The following CCDC148 variants were observed in gnomAD, a reference collection of about 807,000 sequenced individuals.
CCDC148 encodes the protein coiled-coil domain-containing protein 148.
In CCDC148, 89 loss-of-function variants were observed where a neutral mutation model predicts 85.7. The ratio of observed to expected loss-of-function variants is 1.04; its 90% CI spans 0.87 to 1.24. The LOEUF (loss-of-function observed/expected upper bound fraction) is 1.24. Ranked by LOEUF, CCDC148 falls within the 50% of genes most tolerant of loss-of-function variation. The probability of loss-of-function intolerance (pLI) is 0.00; values close to 1 mark genes in which losing one functional copy is unlikely to be tolerated. For missense variants in CCDC148, 692 were observed against 671.7 expected (o/e 1.03, Z -0.33); for synonymous variants, 230 against 213.9 (o/e 1.08, Z -0.66).
chr2:158,282,672 A>G (rs1293602331), intron 9 of CCDC148, among the ~76,000 whole-genome samples: 1 of 152,264 alleles, frequency 6.6e-6, no homozygotes, highest in Non-Finnish European at 1.5e-5. Context: ...ATGGGTAGGA[A>G]GAATCAATAT....
intron 1 of CCDC148, among the ~76,000 whole-genome samples, chr2:158,443,515 A>AG (rs1553524475): frequency 3.0e-5 from 3 of 100,896 alleles, no homozygotes; most frequent in Admixed American, 1.2e-4. Flanking sequence ...AAAAAAAAAA[A>AG]AAAAAAAAGA....
chr2:158,396,818 T>C (rs961922293), intron 1 of CCDC148, among the ~76,000 whole-genome samples: 16 of 152,090 alleles, frequency 1.1e-4, no homozygotes, highest in African/African-American at 3.9e-4. Flanking sequence ...ATTATTATTA[T>C]TGCTGCTGCT....
chr2:158,260,311 TC>T lies in CCDC148; in HGVS notation c.1111-9400del, dbSNP rs548601205. Among the ~76,000 whole-genome samples the T allele has an allele frequency of 8.9e-4, 135 of 152,008 alleles. 1 individual carries two copies. Among genetic ancestry groups the T allele is most frequent in the Non-Finnish European group, 1.4e-3 (97 of 67,922 alleles). On this transcript the variant is annotated intron_variant, in intron 9 of 13. Transcript: ENST00000283233. ...AAAAGGCTTTCAATAAAATTCAACA[TC>T]CCTTCAGGTTAAACACTCTCAATAA...
intron 7 of CCDC148, among the ~76,000 whole-genome samples, chr2:158,325,659 C>A (rs1192284561): frequency 1.3e-5 from 2 of 152,170 alleles, no homozygotes; most frequent in Admixed American, 1.3e-4. Flanking sequence ...GGCATCTCAA[C>A]CTCATCGTGT....
chr2:158,228,195 A>G (rs561063687), intron 10 of CCDC148, among the ~76,000 whole-genome samples: 3 of 152,340 alleles, frequency 2.0e-5, no homozygotes, highest in Admixed American at 2.0e-4. Context: ...CAGCCAAAAG[A>G]CACAGGAAAA....
At chr2:158,283,740 T>A (rs529253722) in intron 9 of CCDC148, among the ~76,000 whole-genome samples, 1 of 151,818 alleles carries the variant, frequency 6.6e-6, no homozygotes, top group South Asian at 2.1e-4. Flanking sequence ...GATCTAGAAC[T>A]AGAAATACCA....
chr2:158,197,395 A>G (rs578116046), intron 11 of CCDC148, among the ~76,000 whole-genome samples: 3 of 152,292 alleles, frequency 2.0e-5, no homozygotes, highest in African/African-American at 7.2e-5. Context: ...CCCCACAAAC[A>G]GATATGGACT....
intron 1 of CCDC148, chr2:158,365,865 T>C (rs1684178168): frequency 1.7e-6 from 1 of 582,944 alleles, no homozygotes; most frequent in Non-Finnish European, 3.0e-6. Context: ...ACAAACCCAT[T>C]GTAAAGAACT....
intron 1 of CCDC148, among the ~76,000 whole-genome samples, chr2:158,423,716 G>A (rs1470419990): frequency 6.6e-6 from 1 of 152,154 alleles, no homozygotes; most frequent in African/African-American, 2.4e-5. Context: ...ATTGACAAAT[G>A]GGATCTAATT....
intron 9 of CCDC148, among the ~76,000 whole-genome samples, chr2:158,292,063 G>A (rs1690919388): frequency 6.6e-6 from 1 of 151,944 alleles, no homozygotes; most frequent in Non-Finnish European, 1.5e-5. Context: ...AATGCCTCAG[G>A]CACTGAAAGA....
At chr2:158,340,896 G>A (rs905563942) in intron 3 of CCDC148, among the ~76,000 whole-genome samples, 5 of 152,172 alleles carry the variant, frequency 3.3e-5, no homozygotes, top group African/African-American at 1.2e-4. Flanking sequence ...CCAGCCCACA[G>A]CAGGTCCTGG....
intron 2 of CCDC148, among the ~76,000 whole-genome samples, chr2:158,349,423 T>C (rs1683152764): frequency 6.6e-6 from 1 of 151,944 alleles, no homozygotes; most frequent in Non-Finnish European, 1.5e-5. Context: ...AATAATACAT[T>C]CTTTTTGAGC....
intron 10 of CCDC148, among the ~76,000 whole-genome samples, chr2:158,238,599 G>A (rs1559008922): frequency 6.6e-6 from 1 of 152,096 alleles, no homozygotes; most frequent in South Asian, 2.1e-4. Context: ...TCCTGTAAGT[G>A]TTTACACATC....
intron 1 of CCDC148, among the ~76,000 whole-genome samples, chr2:158,390,237 G>A (rs188801954): frequency 1.5e-4 from 23 of 152,120 alleles, no homozygotes; most frequent in Non-Finnish European, 5.9e-5. Flanking sequence ...CAGGCAAAAA[G>A]CTGGAAGGGG....
intron 9 of CCDC148, among the ~76,000 whole-genome samples, chr2:158,304,694 G>A (rs374415561): frequency 5.3e-4 from 80 of 152,250 alleles, no homozygotes; most frequent in African/African-American, 1.9e-3. Flanking sequence ...GTAACCAGAA[G>A]AAAAAGCTGA....
intron 10 of CCDC148, among the ~76,000 whole-genome samples, chr2:158,222,470 TTCTCTC>T (rs369654189): frequency 6.7e-6 from 1 of 148,328 alleles, no homozygotes; most frequent in Non-Finnish European, 1.5e-5. Flanking sequence ...CTCTCTCTCT[TTCTCTC>T]TCTCTCTCTC....
At chr2:158,242,717 C>A (rs1212979611) in intron 10 of CCDC148, among the ~76,000 whole-genome samples, 1 of 151,462 alleles carries the variant, frequency 6.6e-6, no homozygotes, top group Non-Finnish European at 1.5e-5. Flanking sequence ...ACTCCAATAC[C>A]TCCATATCTA....
chr2:158,236,741 T>C (rs1688125761), intron 10 of CCDC148, among the ~76,000 whole-genome samples: 1 of 152,198 alleles, frequency 6.6e-6, no homozygotes, highest in African/African-American at 2.4e-5. Flanking sequence ...TGCTTTCCTC[T>C]ACACCATAAC....
At chr2:158,276,943 G>A (rs1235070616) in intron 9 of CCDC148, among the ~76,000 whole-genome samples, 1 of 152,178 alleles carries the variant, frequency 6.6e-6, no homozygotes, top group Non-Finnish European at 1.5e-5. Flanking sequence ...AAACTGCCCA[G>A]CTAATACTAG....
Sources: allele counts gnomAD v4.1 joint callset (sites outside exome capture counted in the v4.1 genomes callset), GRCh38; gene constraint gnomAD v4.1.1; transcripts MANE v1.5; gene names NCBI Gene and HGNC (gene_info 2026-07-23, HGNC 2026-07-21).